CHAF1B: variants seen among roughly 807,000 people sequenced by gnomAD.
CHAF1B encodes CAF-1 subunit B.
A neutral mutation model predicts 60.7 loss-of-function variants in CHAF1B; 10 were observed. The observed-to-expected ratio is 0.16, with a 90% CI of 0.10 to 0.28. The LOEUF is 0.28. Ranked by LOEUF, CHAF1B falls within the 10% of genes least tolerant of loss-of-function variation. CHAF1B has a pLI of 1.00. For synonymous variants in CHAF1B, 261 were observed against 266.1 expected (o/e 0.98, Z 0.19); for missense variants, 558 against 708.4 (o/e 0.79, Z 2.41).
At position 36,412,422 on chromosome 21, in the gene CHAF1B, C is replaced by T. The variant is rs570218407; in HGVS notation, c.1062-462C>T. On this transcript the variant is annotated intron_variant, in intron 11 of 13. Transcript: ENST00000314103. ...TCATCCAGGCTGGAGTGCAGTGGAACGATCGTGGCTCACTACAACCTCCGC... is the reference window on the plus strand; with the variant it reads ...TCATCCAGGCTGGAGTGCAGTGGAATGATCGTGGCTCACTACAACCTCCGC... Among the ~76,000 whole-genome samples, 8 of 152,130 alleles carry T rather than the reference C, an allele frequency of 5.3e-5. No individual in the cohort carries two copies. The South Asian group carries it at 6.2e-4, about 12-fold the overall frequency.
intron 1 of CHAF1B, 70 bp downstream of exon 1, chr21:36,385,521 C>T (rs1239288805): frequency 2.0e-5 from 3 of 151,916 alleles, no homozygotes; most frequent in Non-Finnish European, 4.4e-5. Context: ...GAGGCCCTCG[C>T]CGAGGGCGGG....
Position 36,409,420 on chromosome 21 carries a change from C to A in CHAF1B, c.874C>A (p.Arg292Ser). ...PCPGKATLAV[R>S]CCPVYFELRP... ...TCCTGGAAAAGCCACTCTTGCTGTT[C>A]GCTGCTGTCCGGTCTACTTTGAACT... Residue 292 changes from arginine (R) to serine (S), a missense_variant, in exon 10 of 14, where the codon CGC (arginine) becomes AGC (serine). Arg to Ser is a moderately radical substitution (Grantham distance 110). Around this residue, in one of 2 missense-constraint regions of CHAF1B, gnomAD observed 325 missense variants for 493.5 expected, o/e 0.66. Transcript: ENST00000314103. 6.2e-7 allele frequency: 1 copy of A among 1,613,760 alleles called. No individual in the cohort carries two copies. The highest frequency in any genetic ancestry group is 8.5e-7 in the Non-Finnish European group (1 of 1,179,880).
intron 6 of CHAF1B, chr21:36,398,093 C>A (rs2086157690): frequency 6.6e-6 from 1 of 151,302 alleles, no homozygotes; most frequent in Non-Finnish European, 1.5e-5. Context: ...TACTCTGTCA[C>A]CCAGGCTGGA....
At chr21:36,411,383 G>A (rs925114358) in intron 10 of CHAF1B, 80 bp from the exon 11 acceptor site, 2 of 1,559,738 alleles carry the variant, frequency 1.3e-6, no homozygotes, top group Non-Finnish European at 1.7e-6. Context: ...CAAAGTGCTG[G>A]GATTCTAGGC....
chr21:36,391,514 G>A lies in CHAF1B; in HGVS notation c.260-37G>A, dbSNP rs753502442. ...AAAATCCTAATATGAAGGAGTGTGG[G>A]TGAAGCGTGGATCACTGTTACTGAA... On this transcript the variant is annotated intron_variant, in intron 3 of 13. Transcript: ENST00000314103. 4 of 1,244,884 alleles carry A rather than the reference G, an allele frequency of 3.2e-6. No homozygotes were observed. In the Admixed American group the frequency reaches 5.2e-5, roughly 16 times the overall value. The allele number at this position is 1,244,884 out of a possible 1,614,324, so 77.1% of individuals were successfully genotyped here.
intron 8 of CHAF1B, 118 bp from the exon 9 acceptor site, chr21:36,408,643 A>T: frequency 1.5e-6 from 1 of 677,886 alleles, no homozygotes; most frequent in South Asian, 1.7e-5. Flanking sequence ...TCCAGAGAAT[A>T]TAACTGCAGG....
chr21:36,389,800 T>TGTGTGTGTGTGTGTGTGCGCGCGCGC, intron 3 of CHAF1B, among the ~76,000 whole-genome samples: 6 of 124,740 alleles, frequency 4.8e-5, no homozygotes, highest in Admixed American at 7.6e-5. Context: ...TGTGTGTGTG[T>TGTGTGTGTGTGTGTGTGCGCGCGCGC]GCGCGCGCAC....
intron 10 of CHAF1B, among the ~76,000 whole-genome samples, chr21:36,411,040 G>C (rs2086274356): frequency 6.6e-6 from 1 of 151,262 alleles, no homozygotes; most frequent in Non-Finnish European, 1.5e-5. Context: ...TGTTTGCCTG[G>C]TACTTTTTGA....
chr21:36,409,921 G>A (rs143663771), intron 10 of CHAF1B, among the ~76,000 whole-genome samples: 1,624 of 149,708 alleles, frequency 0.011, 13 homozygotes, highest in Middle Eastern at 0.032. Context: ...AGGAATGGAC[G>A]TACTCCTTTT....
rs558217922 is a variant in CHAF1B, at chr21:36,399,657, G to A, written c.663+52G>A. On this transcript the variant is annotated intron_variant, in intron 7 of 13. Transcript: ENST00000314103. Reference sequence around the variant, plus strand: ...CAGCAGCGCTTTAACTGAGACTTAGGAAGTCATGAGCTCCTCCCATACCCT... The same window carrying A: ...CAGCAGCGCTTTAACTGAGACTTAGAAAGTCATGAGCTCCTCCCATACCCT... The A allele has an allele frequency of 7.7e-5, 111 of 1,444,414 alleles. No individual in the cohort carries two copies. In the South Asian group the frequency reaches 1.2e-3, roughly 16 times the overall value. 89.5% of individuals were successfully genotyped at this position (1,444,414 alleles called of 1,614,324 possible).
At position 36,417,839 on chromosome 21, in the gene CHAF1B, A is replaced by G. The variant is rs1176828959; in HGVS notation, c.*1473A>G. On this transcript the variant is annotated 3_prime_UTR_variant, in exon 14 of 14. Transcript: ENST00000314103. ...GAAATCACCTAAGAGCTGACATACC[A>G]GTGCCTGGGTTCCCGCTTCGGAGGA... 1 of 152,034 alleles carries G rather than the reference A, an allele frequency of 6.6e-6. No homozygotes were observed. The highest frequency in any genetic ancestry group is 1.9e-4 in the East Asian group (1 of 5,168). 9.4% of individuals were successfully genotyped at this position (152,034 alleles called of 1,614,324 possible). A position where few individuals can be genotyped will look rare whatever the true frequency, so the allele number is the denominator to read the frequency against.
intron 7 of CHAF1B, among the ~76,000 whole-genome samples, chr21:36,402,326 A>G (rs551657765): frequency 3.3e-5 from 5 of 152,138 alleles, no homozygotes; most frequent in Non-Finnish European, 7.4e-5. Flanking sequence ...GAGTGCATTC[A>G]GTTGGAAATT....
intron 13 of CHAF1B, 44 bp downstream of exon 13, chr21:36,415,433 A>G (rs2086310780): frequency 2.4e-6 from 3 of 1,274,206 alleles, no homozygotes; most frequent in African/African-American, 3.0e-5. Flanking sequence ...AAGGTAGAGT[A>G]TCTTTTCTTT....
intron 5 of CHAF1B, 24 bp from the exon 6 acceptor site, chr21:36,397,391 C>CGT (rs759875419): frequency 5.2e-4 from 642 of 1,242,002 alleles, no homozygotes; most frequent in Non-Finnish European, 6.7e-4. Flanking sequence ...TGTTTTGGTG[C>CGT]GTGTGTGTGT....
chr21:36,394,408 C>T (rs530119966), intron 4 of CHAF1B, 139 bp from the exon 5 acceptor site: 223 of 636,582 alleles, frequency 3.5e-4, no homozygotes, highest in Non-Finnish European at 5.5e-4. Flanking sequence ...TGGGATTTTA[C>T]TGTGTTAGCC....
chr21:36,401,374 AAT>A (rs552248347), intron 7 of CHAF1B, among the ~76,000 whole-genome samples: 11 of 135,828 alleles, frequency 8.1e-5, no homozygotes, highest in African/African-American at 2.8e-4. Context: ...TATTATACAT[AAT>A]ATATATTTTT....
At chr21:36,405,217 T>C (rs1488292428) in intron 8 of CHAF1B, among the ~76,000 whole-genome samples, 1 of 152,136 alleles carries the variant, frequency 6.6e-6, no homozygotes, top group Non-Finnish European at 1.5e-5. Flanking sequence ...GATAAAAAAC[T>C]GCAATAGGAT....
intron 11 of CHAF1B, 43 bp from the exon 12 acceptor site, chr21:36,412,841 G>C (rs772670670): frequency 6.4e-7 from 1 of 1,564,688 alleles, no homozygotes; most frequent in Admixed American, 1.8e-5. Context: ...AGATGTGAGA[G>C]TGTTGGTAAG....
chr21:36,408,094 C>T (rs970183275), intron 8 of CHAF1B, among the ~76,000 whole-genome samples: 4 of 152,114 alleles, frequency 2.6e-5, no homozygotes, highest in African/African-American at 9.7e-5. Flanking sequence ...TGTAAAGTTA[C>T]GTGTGTGTAT....
Sources: gnomAD v4.1 joint callset for allele counts (sites outside exome capture counted in the v4.1 genomes callset) on GRCh38, gnomAD v4.1.1 for gene constraint, gnomAD v4.1.1 regional missense constraint, MANE v1.5 for transcripts, NCBI Gene and HGNC (gene_info 2026-07-23, HGNC 2026-07-21) for gene names.